SMAD3: variants seen among roughly 807,000 people sequenced by gnomAD.
SMAD3 encodes MAD homolog 3.
Under a neutral mutation model 51.8 loss-of-function variants are expected in SMAD3, and 12 were observed. The observed-to-expected ratio is 0.23, with a 90% CI of 0.15 to 0.38. SMAD3 has a LOEUF of 0.38. SMAD3 is among the 10% of genes least tolerant of loss of function. The probability of loss-of-function intolerance (pLI) is 1.00; values close to 1 mark genes in which losing one functional copy is unlikely to be tolerated. For synonymous variants in SMAD3, 238 were observed against 227.7 expected (o/e 1.05, Z -0.41); for missense variants, 294 against 565.6 (o/e 0.52, Z 4.87).
intron 4 of SMAD3, among the ~76,000 whole-genome samples, chr15:67,168,945 C>A (rs1165099508): frequency 6.6e-6 from 1 of 152,172 alleles, no homozygotes; most frequent in Non-Finnish European, 1.5e-5. Flanking sequence ...CATGTCCCTT[C>A]ACCTACATAT....
chr15:67,142,512 A>G (rs1265318249), intron 1 of SMAD3, among the ~76,000 whole-genome samples: 4 of 152,284 alleles, frequency 2.6e-5, no homozygotes, highest in South Asian at 2.1e-4. Context: ...CCCTAGTGTC[A>G]GTCTTAAGTG....
intron 1 of SMAD3, among the ~76,000 whole-genome samples, chr15:67,070,363 C>T (rs901212498): frequency 2.0e-5 from 3 of 152,096 alleles, no homozygotes; most frequent in African/African-American, 7.2e-5. Context: ...TGAACCTAGG[C>T]GCCACTTGAC....
intron 5 of SMAD3, among the ~76,000 whole-genome samples, chr15:67,180,430 G>A (rs546936559): frequency 3.3e-5 from 5 of 151,932 alleles, no homozygotes; most frequent in Admixed American, 1.3e-4. Flanking sequence ...CCAGCCCCTT[G>A]TAGAATGGCA....
chr15:67,148,937 G>A (rs1009417702), intron 1 of SMAD3, among the ~76,000 whole-genome samples: 9 of 152,242 alleles, frequency 5.9e-5, no homozygotes, highest in African/African-American at 2.2e-4. Flanking sequence ...CCCTCAAGGA[G>A]CTCCTGGCAC....
rs1963361261 is a variant in SMAD3 at position 67,191,366 on chromosome 15, G to A, written c.*830G>A. On this transcript the variant is annotated 3_prime_UTR_variant, in exon 9 of 9. Transcript: ENST00000327367. Reference sequence around the variant, plus strand: ...GGTAAGTGTTCTCATGAAGCAGGAGGCCCTTGTCGTGGGATGGCATTTGGT... The same window carrying A: ...GGTAAGTGTTCTCATGAAGCAGGAGACCCTTGTCGTGGGATGGCATTTGGT... The A allele has an allele frequency of 4.3e-6, 1 of 233,346 alleles. No homozygotes were observed. The allele number at this position is 233,346 out of a possible 1,614,324, so 14.5% of individuals were successfully genotyped here. A position where few individuals can be genotyped will look rare whatever the true frequency, so the allele number is the denominator to read the frequency against.
chr15:67,181,947 C>G (rs1963073433), intron 6 of SMAD3, among the ~76,000 whole-genome samples: 1 of 152,088 alleles, frequency 6.6e-6, no homozygotes, highest in Admixed American at 6.5e-5. Flanking sequence ...CCACCACGCC[C>G]AGCTAATTTT....
At chr15:67,180,111 T>A (rs1290697911) in intron 5 of SMAD3, among the ~76,000 whole-genome samples, 1 of 151,898 alleles carries the variant, frequency 6.6e-6, no homozygotes, top group South Asian at 2.1e-4. Context: ...TCAAGCAGAG[T>A]GTCGTAGGCT....
At chr15:67,095,565 T>TA (rs1960597598) in intron 1 of SMAD3, among the ~76,000 whole-genome samples, 1 of 151,834 alleles carries the variant, frequency 6.6e-6, no homozygotes, top group Non-Finnish European at 1.5e-5. Flanking sequence ...TTTTTTTTGT[T>TA]ATTGTTGCCC....
At chr15:67,103,797 C>T (rs982007704) in intron 1 of SMAD3, among the ~76,000 whole-genome samples, 4 of 152,222 alleles carry the variant, frequency 2.6e-5, no homozygotes, top group Non-Finnish European at 5.9e-5. Flanking sequence ...TCCACCGTTT[C>T]GGCTTTGACA....
At chr15:67,188,111 T>TAAAA in intron 8 of SMAD3, among the ~76,000 whole-genome samples, 1 of 152,002 alleles carries the variant, frequency 6.6e-6, no homozygotes, top group East Asian at 1.9e-4. Flanking sequence ...AGAAATGACT[T>TAAAA]TTTTAGAGTC....
At chr15:67,148,348 C>A (rs538355121) in intron 1 of SMAD3, among the ~76,000 whole-genome samples, 59 of 152,322 alleles carry the variant, frequency 3.9e-4, no homozygotes, top group African/African-American at 1.2e-3. Context: ...TCCAGTCCAT[C>A]CCCAGTGTGG....
chr15:67,121,243 G>A (rs756350644), intron 1 of SMAD3, among the ~76,000 whole-genome samples: 14 of 152,182 alleles, frequency 9.2e-5, no homozygotes, highest in Non-Finnish European at 1.8e-4. Flanking sequence ...ATTTCCACGC[G>A]GCCCCAGTGT....
intron 1 of SMAD3, among the ~76,000 whole-genome samples, chr15:67,072,359 A>C (rs1447512735): frequency 6.6e-6 from 1 of 152,212 alleles, no homozygotes; most frequent in East Asian, 1.9e-4. Context: ...AATTGGAATC[A>C]GCTTTCATTC....
chr15:67,159,859 G>C (rs1270135406), intron 1 of SMAD3, among the ~76,000 whole-genome samples: 1 of 152,198 alleles, frequency 6.6e-6, no homozygotes, highest in African/African-American at 2.4e-5. Flanking sequence ...ATCAGTAGTT[G>C]ATCCTTTTTT....
intron 1 of SMAD3, among the ~76,000 whole-genome samples, chr15:67,125,152 C>T (rs769027433): frequency 7.2e-5 from 11 of 152,204 alleles, no homozygotes; most frequent in Non-Finnish European, 1.3e-4. Flanking sequence ...TCCCCGTATG[C>T]CATCCAGGCC....
At chr15:67,115,132 C>T (rs1961106381) in intron 1 of SMAD3, among the ~76,000 whole-genome samples, 1 of 152,158 alleles carries the variant, frequency 6.6e-6, no homozygotes, top group Non-Finnish European at 1.5e-5. Flanking sequence ...CTGCCCTAGG[C>T]CTTGAGCAAA....
At chr15:67,188,148 C>CTT (rs11367565) in intron 8 of SMAD3, among the ~76,000 whole-genome samples, 16 of 116,000 alleles carry the variant, frequency 1.4e-4, no homozygotes, top group African/African-American at 2.1e-4. Flanking sequence ...TTTTCTTTTT[C>CTT]TTTTTTTTTT....
At chr15:67,091,120 C>T (rs752412932) in intron 1 of SMAD3, among the ~76,000 whole-genome samples, 2 of 152,224 alleles carry the variant, frequency 1.3e-5, no homozygotes, top group African/African-American at 2.4e-5. Context: ...AAAGAAGATA[C>T]CACCTTCCTC....
intron 5 of SMAD3, among the ~76,000 whole-genome samples, chr15:67,180,464 T>G (rs1246257496): frequency 6.6e-6 from 1 of 151,300 alleles, no homozygotes; most frequent in African/African-American, 2.4e-5. Flanking sequence ...GAGCCCCTAA[T>G]GGAGACTGTA....
Sources: gnomAD v4.1 joint callset for allele counts (sites outside exome capture counted in the v4.1 genomes callset) on GRCh38, gnomAD v4.1.1 for gene constraint, MANE v1.5 for transcripts, NCBI Gene and HGNC (gene_info 2026-07-23, HGNC 2026-07-21) for gene names.